QSOX1: variants seen among roughly 807,000 people sequenced by gnomAD.
QSOX1 encodes quiescin sulfhydryl oxidase 1, also known as sulfhydryl oxidase 1.
In QSOX1, 40 loss-of-function variants were observed where a neutral mutation model predicts 76.1. The observed-to-expected ratio is 0.53, with a 90% CI of 0.41 to 0.68. The LOEUF is 0.68. Among genes scored for constraint, QSOX1 ranks in the 30% least tolerant of loss-of-function variants. QSOX1 has a pLI of 0.00. For synonymous variants in QSOX1, 392 were observed against 413.1 expected (o/e 0.95, Z 0.62); for missense variants, 931 against 974.3 (o/e 0.96, Z 0.59).
chr1:180,166,148 G>A (rs932339623), intron 1 of QSOX1, among the ~76,000 whole-genome samples: 1 of 152,092 alleles, frequency 6.6e-6, no homozygotes, highest in Non-Finnish European at 1.5e-5. Context: ...TTCCTGGGGG[G>A]TGGGGGGCTG....
intron 1 of QSOX1, among the ~76,000 whole-genome samples, chr1:180,165,733 G>A (rs542378133): frequency 4.6e-5 from 7 of 152,244 alleles, no homozygotes; most frequent in Admixed American, 1.3e-4. Context: ...GGATGCTCAC[G>A]GGGCACCTGA....
At chr1:180,189,906 G>A (rs1663268117) in intron 9 of QSOX1, among the ~76,000 whole-genome samples, 1 of 152,204 alleles carries the variant, frequency 6.6e-6, no homozygotes. Context: ...TTTAGCAGAT[G>A]AAGAAACAGT....
Position 180,194,459 on chromosome 1 carries a change from G to A in QSOX1, c.1468+67G>A, listed in dbSNP as rs954624047. On this transcript the variant is annotated intron_variant, in intron 11 of 11. Transcript: ENST00000367602. Reference sequence around the variant, plus strand: ...GACGAGGGGGTGAGGATACTTGGGAGTCTTAGGCCAAAATTTGGGGAAGGG... The same window carrying A: ...GACGAGGGGGTGAGGATACTTGGGAATCTTAGGCCAAAATTTGGGGAAGGG... 8 of 1,459,958 alleles carry A rather than the reference G, an allele frequency of 5.5e-6. No homozygotes were observed. The Admixed American group carries it at 1.4e-4, about 25-fold the overall frequency. 90.4% of individuals were successfully genotyped at this position (1,459,958 alleles called of 1,614,324 possible). A position where few individuals can be genotyped will look rare whatever the true frequency, so the allele number is the denominator to read the frequency against.
At chr1:180,187,061 A>G (rs61809066) in intron 8 of QSOX1, among the ~76,000 whole-genome samples, 21,126 of 152,076 alleles carry the variant, frequency 0.14, 1,631 homozygotes, top group Middle Eastern at 0.22. Flanking sequence ...ATCTGAGCCC[A>G]CCCTCCTCAG....
intron 2 of QSOX1, among the ~76,000 whole-genome samples, chr1:180,168,828 A>G (rs1662698121): frequency 6.6e-6 from 1 of 152,182 alleles, no homozygotes; most frequent in Non-Finnish European, 1.5e-5. Context: ...GCTGACCTGG[A>G]GACTGCTGGT....
chr1:180,191,464 C>T (rs1663308745), intron 10 of QSOX1, among the ~76,000 whole-genome samples: 1 of 152,204 alleles, frequency 6.6e-6, no homozygotes. Context: ...GTGTGGAGCC[C>T]CGTGAATCAG....
chr1:180,170,388 T>C (rs1662731986), intron 2 of QSOX1, among the ~76,000 whole-genome samples: 1 of 152,166 alleles, frequency 6.6e-6, no homozygotes, highest in Non-Finnish European at 1.5e-5. Flanking sequence ...CATAAAAATA[T>C]CTGGAGGCTG....
chr1:180,181,929 G>A (rs899059296), intron 5 of QSOX1, among the ~76,000 whole-genome samples: 4 of 152,234 alleles, frequency 2.6e-5, no homozygotes, highest in African/African-American at 4.8e-5. Flanking sequence ...AAATTAAAGC[G>A]TGTGTGGCAT....
At chr1:180,193,155 TATG>T (rs926921166) in intron 10 of QSOX1, among the ~76,000 whole-genome samples, 2 of 152,048 alleles carry the variant, frequency 1.3e-5, no homozygotes, top group Non-Finnish European at 2.9e-5. Flanking sequence ...GGAACTTCTT[TATG>T]ATCATCCTTT....
Position 180,203,831 on chromosome 1 carries a change from C to A in QSOX1, c.*6794C>A, listed in dbSNP as rs1663680124. The A allele has an allele frequency of 6.6e-6, 1 of 152,230 alleles. No homozygotes were observed. The highest frequency in any genetic ancestry group is 2.4e-5 in the African/African-American group (1 of 41,458). 9.4% of individuals were successfully genotyped at this position (152,230 alleles called of 1,614,324 possible). The stretch of plus-strand genomic sequence containing the variant: ...GTATATCCCACTTGCTGTTTTCTGT[C>A]CCTAAATTCTCTCTGAGTACACTGC... On this transcript the variant is annotated 3_prime_UTR_variant, in exon 12 of 12. Coordinates refer to ENST00000367602, the MANE Select transcript of QSOX1 (RefSeq NM_002826.5).
At chr1:180,172,067 C>T (rs142162784) in intron 2 of QSOX1, among the ~76,000 whole-genome samples, 2 of 152,234 alleles carry the variant, frequency 1.3e-5, no homozygotes, top group Non-Finnish European at 2.9e-5. Context: ...CAAGGGCAGA[C>T]GCTGTTCCAG....
intron 2 of QSOX1, among the ~76,000 whole-genome samples, chr1:180,174,993 TACAC>T (rs746288405): frequency 1.3e-5 from 2 of 151,234 alleles, no homozygotes; most frequent in Non-Finnish European, 2.9e-5. Flanking sequence ...CTACTAAAAA[TACAC>T]ACAAAAAAAA....
In QSOX1 at chr1:180,197,604, TG is replaced by T; in HGVS notation, c.*571del. 2 of 545,258 alleles carry T rather than the reference TG, an allele frequency of 3.7e-6. No homozygotes were observed. Among genetic ancestry groups the T allele is most frequent in the Non-Finnish European group, 6.5e-6 (2 of 306,540 alleles). The allele number at this position is 545,258 out of a possible 1,614,324, so 33.8% of individuals were successfully genotyped here. A position where few individuals can be genotyped will look rare whatever the true frequency, so the allele number is the denominator to read the frequency against. On this transcript the variant is annotated 3_prime_UTR_variant, in exon 12 of 12. Transcript: ENST00000367602. ...TCCTGGGTGGGGTTTGGCTTCAGGG[TG>T]GGGTTTGGAAGCTTCTGGAAGTCGT...
chr1:180,168,823 C>CCCT (rs1662698060), intron 2 of QSOX1, among the ~76,000 whole-genome samples: 1 of 152,232 alleles, frequency 6.6e-6, no homozygotes, highest in African/African-American at 2.4e-5. Context: ...CAGAGGCTGA[C>CCCT]CTGGAGACTG....
chr1:180,186,089 G>A lies in QSOX1; in HGVS notation c.924G>A (p.Leu308=). 2 of 1,614,078 alleles carry A rather than the reference G, an allele frequency of 1.2e-6. No homozygotes were observed. The highest frequency in any genetic ancestry group is 1.7e-6 in the Non-Finnish European group (2 of 1,179,902). ...KIYMADLESA[L]HYILRIEVGR... is the part of the protein sequence containing the mutation. ...ACATGGCTGACCTGGAATCTGCACTGCACTACATCCTGCGGATAGAAGTGG... is the reference window on the plus strand; with the variant it reads ...ACATGGCTGACCTGGAATCTGCACTACACTACATCCTGCGGATAGAAGTGG... The change falls in exon 8 of 12, where the codon CTG becomes CTA. Residue 308 remains leucine, a synonymous_variant. Transcript: ENST00000367602.
At chr1:180,165,559 C>G (rs1159519923) in intron 1 of QSOX1, among the ~76,000 whole-genome samples, 1 of 152,274 alleles carries the variant, frequency 6.6e-6, no homozygotes, top group South Asian at 2.1e-4. Context: ...TCCACCTTTC[C>G]TGCTGAGCCC....
intron 2 of QSOX1, among the ~76,000 whole-genome samples, chr1:180,169,668 G>A (rs1558185428): frequency 6.6e-6 from 1 of 152,242 alleles, no homozygotes; most frequent in South Asian, 2.1e-4. Context: ...GCCACCCGTG[G>A]GGCTGCTGGT....
At chr1:180,156,847 GA>G (rs1480559341) in intron 1 of QSOX1, among the ~76,000 whole-genome samples, 9 of 152,176 alleles carry the variant, frequency 5.9e-5, no homozygotes, top group Admixed American at 5.2e-4. Context: ...TTGTGGGCAT[GA>G]ACATCATAAA....
chr1:180,159,119 C>G (rs1158696483), intron 1 of QSOX1, among the ~76,000 whole-genome samples: 3 of 152,222 alleles, frequency 2.0e-5, no homozygotes, highest in African/African-American at 7.2e-5. Flanking sequence ...ATCCCCTCAC[C>G]CATCAATCCA....
Sources: allele counts gnomAD v4.1 joint callset (sites outside exome capture counted in the v4.1 genomes callset), GRCh38; gene constraint gnomAD v4.1.1; transcripts MANE v1.5; gene names NCBI Gene and HGNC (gene_info 2026-07-23, HGNC 2026-07-21).